Variants in SOCS3 observed in about 807,000 individuals in gnomAD.
The protein encoded by SOCS3 is STAT-induced STAT inhibitor 3.
SOCS3 carries 5 observed loss-of-function variants against 11.7 expected under a neutral mutation model. The observed-to-expected ratio is 0.43, with a 90% CI of 0.22 to 0.90. The LOEUF is 0.90. SOCS3 is among the 40% of genes least tolerant of loss of function. The pLI is 0.27. For synonymous variants in SOCS3, 143 were observed against 136.3 expected (o/e 1.05, Z -0.34); for missense variants, 203 against 302.0 (o/e 0.67, Z 2.43).
In SOCS3 at chr17:78,358,745, G is replaced by A. The variant is rs1298522890; in HGVS notation, c.351C>T (p.Phe117=). 1.2e-6 allele frequency: 2 copies of A among 1,612,684 alleles called. No homozygotes were observed. The highest frequency in any genetic ancestry group is 1.7e-5 in the Admixed American group (1 of 59,986). The change falls in exon 2 of 2, where the codon TTC becomes TTT. Residue 117 remains phenylalanine, a synonymous_variant. Coordinates refer to ENST00000330871, the MANE Select transcript of SOCS3 (RefSeq NM_003955.5). This position sits in a 1 kb window ranked among gnomAD's most constrained non-coding sequence, Gnocchi z 4.7. ...DPRSTQPVPR[F]DCVLKLVHHY... ...GGTGCACCAGCTTGAGCACGCAGTC[G>A]AAGCGGGGCACGGGCTGCGTGCTCC...
At chr17:78,360,237 G>C (rs1459252614), upstream of SOCS3, among the ~76,000 whole-genome samples, 1 of 150,852 alleles carries the variant, frequency 6.6e-6, no homozygotes, top group East Asian at 1.9e-4. This position sits in a 1 kb window ranked among gnomAD's most constrained non-coding sequence, Gnocchi z 5.6. Flanking sequence ...CGCCGAGGGC[G>C]GGCCGCGAGC....
chr17:78,360,665 G>C (rs2081605479), upstream of SOCS3: 1 of 151,766 alleles, frequency 6.6e-6, no homozygotes, highest in Non-Finnish European at 1.5e-5. This position sits in a 1 kb window ranked among gnomAD's most constrained non-coding sequence, Gnocchi z 5.6. Context: ...CCCGGGAGCC[G>C]GAGGTTGGAG....
Position 78,358,749 on chromosome 17 carries a change from C to T in SOCS3, c.347G>A (p.Arg116His), listed in dbSNP as rs2081587887. 6 of 1,612,536 alleles carry T rather than the reference C, an allele frequency of 3.7e-6. No individual in the cohort carries two copies. Among genetic ancestry groups the T allele is most frequent in the Admixed American group, 1.7e-5 (1 of 59,956 alleles). ...SDPRSTQPVP[R>H]FDCVLKLVHH... The stretch of plus-strand genomic sequence containing the variant: ...CACCAGCTTGAGCACGCAGTCGAAG[C>T]GGGGCACGGGCTGCGTGCTCCGGGG... The change falls in exon 2 of 2, where the codon CGC becomes CAC. Residue 116 changes from arginine (R) to histidine (H), a missense_variant. Physicochemically the swap from Arg to His is conservative, Grantham distance 29. Coordinates refer to ENST00000330871, the MANE Select transcript of SOCS3 (RefSeq NM_003955.5). This position sits in a 1 kb window ranked among gnomAD's most constrained non-coding sequence, Gnocchi z 4.7.
At position 78,358,698 on chromosome 17, in the gene SOCS3, G is replaced by A; in HGVS notation, c.398C>T (p.Ala133Val). 6.2e-7 allele frequency: 1 copy of A among 1,608,738 alleles called. No homozygotes were observed. ...LVHHYMPPPGAPSFPSPPTEP... is the reference protein window; with the variant it reads ...LVHHYMPPPGVPSFPSPPTEP... ...AGTAGGTGGCGAGGGGAAGGAGGGG[G>A]CTCCAGGGGGCGGCATGTAGTGGTG... The change falls in exon 2 of 2, where the codon GCC becomes GTC. Residue 133 changes from alanine (A) to valine (V), a missense_variant. This residue lies in a region of SOCS3 where 141 missense variants were observed against 200.5 expected (regional missense o/e 0.70). Transcript: ENST00000330871. This position sits in a 1 kb window ranked among gnomAD's most constrained non-coding sequence, Gnocchi z 4.7.
chr17:78,360,841 C>T (rs975325986), upstream of SOCS3: 1 of 152,674 alleles, frequency 6.5e-6, no homozygotes, highest in African/African-American at 2.4e-5. The surrounding 1 kb of genome is among the most constrained non-coding windows in gnomAD (Gnocchi z 5.6). Context: ...CTTTCATGCA[C>T]TGGGGTCTGC....
chr17:78,359,385 T>C (rs1324151290), intron 1 of SOCS3, among the ~76,000 whole-genome samples: 2 of 151,904 alleles, frequency 1.3e-5, no homozygotes, highest in African/African-American at 4.8e-5. Context: ...GGGCAGCCCC[T>C]TCCCAGGCGC....
At position 78,358,997 on chromosome 17, in the gene SOCS3, C is replaced by T. The variant is rs1360268730; in HGVS notation, c.99G>A (p.Leu33=). Residue 33 remains leucine (L), a synonymous_variant, in exon 2 of 2, where the codon CTG becomes CTA. Coordinates refer to ENST00000330871, the MANE Select transcript of SOCS3 (RefSeq NM_003955.5). The surrounding 1 kb of genome is among the most constrained non-coding windows in gnomAD (Gnocchi z 4.7). ...GCAGCTTGCGCACTGCGTTCACCAC[C>T]AGCTGGTACTCGCTCTTGGAGCTGA... ...KTFSSKSEYQ[L]VVNAVRKLQE... is the part of the protein sequence containing the mutation. The T allele has an allele frequency of 3.2e-6, 5 of 1,576,852 alleles. No individual in the cohort carries two copies. Among genetic ancestry groups the T allele is most frequent in the Non-Finnish European group, 3.4e-6 (4 of 1,160,556 alleles).
chr17:78,358,511 C>T lies in SOCS3; in HGVS notation c.585G>A (p.Lys195=), dbSNP rs2081585162. ...NVATLQHLCR[K]TVNGHLDSYE... ...AGGAGTCCAGGTGGCCGTTGACGGTCTTCCGACAGAGATGCTGAAGAGTGG... is the reference window on the plus strand; with the variant it reads ...AGGAGTCCAGGTGGCCGTTGACGGTTTTCCGACAGAGATGCTGAAGAGTGG... Residue 195 remains lysine (K), a synonymous_variant, in exon 2 of 2, where the codon AAG becomes AAA. Transcript: ENST00000330871. The surrounding 1 kb of genome is among the most constrained non-coding windows in gnomAD (Gnocchi z 4.7). The T allele has an allele frequency of 6.2e-7, 1 of 1,613,718 alleles. No individual in the cohort carries two copies.
At position 78,356,860 on chromosome 17, in the gene SOCS3, T is replaced by C. The variant is rs2081571336; in HGVS notation, c.*1558A>G. ...ATATAAATATAAATATGTGCAAAGT[T>C]TGACTTGGATTGGGATTTTGTTGAG... is the stretch of plus-strand genomic sequence containing the variant. On this transcript the variant is annotated 3_prime_UTR_variant, in exon 2 of 2. Coordinates refer to ENST00000330871, the MANE Select transcript of SOCS3 (RefSeq NM_003955.5). This position sits in a 1 kb window ranked among gnomAD's most constrained non-coding sequence, Gnocchi z 6.1. 1 of 152,556 alleles carries C rather than the reference T, an allele frequency of 6.6e-6. No individual in the cohort carries two copies. The highest frequency in any genetic ancestry group is 6.6e-5 in the Admixed American group (1 of 15,262). The allele number at this position is 152,556 out of a possible 1,614,324, so 9.5% of individuals were successfully genotyped here. A position where few individuals can be genotyped will look rare whatever the true frequency, so the allele number is the denominator to read the frequency against.
Position 78,358,742 on chromosome 17 carries a change from G to A in SOCS3, c.354C>T (p.Asp118=), listed in dbSNP as rs745427611. The A allele has an allele frequency of 1.2e-6, 2 of 1,612,850 alleles. No homozygotes were observed. The highest frequency in any genetic ancestry group is 3.3e-5 in the Admixed American group (2 of 59,992). Residue 118 remains aspartate, a synonymous_variant, in exon 2 of 2, where the codon GAC becomes GAT. Coordinates refer to ENST00000330871, the MANE Select transcript of SOCS3 (RefSeq NM_003955.5). The surrounding 1 kb of genome is among the most constrained non-coding windows in gnomAD (Gnocchi z 4.7). ...PRSTQPVPRF[D]CVLKLVHHYM... is the part of the protein sequence containing the mutation. ...AGTGGTGCACCAGCTTGAGCACGCA[G>A]TCGAAGCGGGGCACGGGCTGCGTGC... is the stretch of plus-strand genomic sequence containing the variant.
In SOCS3 at chr17:78,358,390, G is replaced by A. The variant is rs200996398; in HGVS notation, c.*28C>T. On this transcript the variant is annotated 3_prime_UTR_variant, in exon 2 of 2. Coordinates refer to ENST00000330871, the MANE Select transcript of SOCS3 (RefSeq NM_003955.5). This position sits in a 1 kb window ranked among gnomAD's most constrained non-coding sequence, Gnocchi z 4.7. ...GAGAGGGGCCTGCGTCCCCTCTCCC[G>A]ACCCATGCCCTTTGCGCCCTTTACC... The A allele has an allele frequency of 2.5e-4, 409 of 1,611,446 alleles. No homozygotes were observed. Among genetic ancestry groups the A allele is most frequent in the Non-Finnish European group, 3.1e-5 (36 of 1,178,428 alleles).
chr17:78,359,838 G>C lies in SOCS3; in HGVS notation c.-177C>G, dbSNP rs1442042053. 6.4e-6 allele frequency: 1 copy of C among 155,180 alleles called. No homozygotes were observed. Among genetic ancestry groups the C allele is most frequent in the Non-Finnish European group, 1.4e-5 (1 of 70,010 alleles). The allele number at this position is 155,180 out of a possible 1,614,324, so 9.6% of individuals were successfully genotyped here. A position where few individuals can be genotyped will look rare whatever the true frequency, so the allele number is the denominator to read the frequency against. The stretch of plus-strand genomic sequence containing the variant: ...GCGGCGAGACGGCCAGCGGTGGCCC[G>C]CGCTGCGCCCAGATGTTGGCGGCCG... On this transcript the variant is annotated 5_prime_UTR_variant, in exon 1 of 2. Coordinates refer to ENST00000330871, the MANE Select transcript of SOCS3 (RefSeq NM_003955.5).
chr17:78,357,113 CACAAAA>C lies in SOCS3; in HGVS notation c.*1299_*1304del, dbSNP rs1050373126. On this transcript the variant is annotated 3_prime_UTR_variant, in exon 2 of 2. Coordinates refer to ENST00000330871, the MANE Select transcript of SOCS3 (RefSeq NM_003955.5). This position sits in a 1 kb window ranked among gnomAD's most constrained non-coding sequence, Gnocchi z 7.0. The stretch of plus-strand genomic sequence containing the variant: ...TTGTGTTTGTTTAGTTGCCCCCCCC[CACAAAA>C]ACAAAAACAAAAACAAAAACAAAAA... 6.2e-4 allele frequency: 95 copies of C among 152,292 alleles called. No homozygotes were observed. The highest frequency in any genetic ancestry group is 1.9e-3 in the East Asian group (10 of 5,182). 9.4% of individuals were successfully genotyped at this position (152,292 alleles called of 1,614,324 possible).
chr17:78,358,757 G>T lies in SOCS3; in HGVS notation c.339C>A (p.Pro113=), dbSNP rs1390498428. ...SLQSDPRSTQ[P]VPRFDCVLKL... ...TGAGCACGCAGTCGAAGCGGGGCAC[G>T]GGCTGCGTGCTCCGGGGATCGCTCT... is the stretch of plus-strand genomic sequence containing the variant. The change falls in exon 2 of 2, where the codon CCC becomes CCA. Residue 113 remains proline, a synonymous_variant. Coordinates refer to ENST00000330871, the MANE Select transcript of SOCS3 (RefSeq NM_003955.5). The surrounding 1 kb of genome is among the most constrained non-coding windows in gnomAD (Gnocchi z 4.7). 6.2e-7 allele frequency: 1 copy of T among 1,613,004 alleles called. No homozygotes were observed. The highest frequency in any genetic ancestry group is 1.7e-5 in the Admixed American group (1 of 59,998).
At position 78,359,121 on chromosome 17, in the gene SOCS3, C is replaced by T. The variant is rs1567911096; in HGVS notation, c.-26G>A. On this transcript the variant is annotated 5_prime_UTR_variant, in exon 2 of 2. Transcript: ENST00000330871. Reference sequence around the variant, plus strand: ...GGCGCACGGAGCCAGCGTGGATCTGCGCGGCGGCGGCTGCAGCTGCTTCGC... The same window carrying T: ...GGCGCACGGAGCCAGCGTGGATCTGTGCGGCGGCGGCTGCAGCTGCTTCGC... 15 of 1,531,520 alleles carry T rather than the reference C, an allele frequency of 9.8e-6. No individual in the cohort carries two copies. Among genetic ancestry groups the T allele is most frequent in the Non-Finnish European group, 1.3e-5 (15 of 1,136,886 alleles). 94.9% of individuals were successfully genotyped at this position (1,531,520 alleles called of 1,614,324 possible).
rs766303801 is a variant in SOCS3, at chr17:78,359,146, CG to C, written c.-52del. On this transcript the variant is annotated 5_prime_UTR_variant, in exon 2 of 2. Transcript: ENST00000330871. ...CGCGGCGGCGGCTGCAGCTGCTTCGCGGCCTCCGCACAGCGGCCGCTACCGC... is the reference window on the plus strand; with the variant it reads ...CGCGGCGGCGGCTGCAGCTGCTTCGCGCCTCCGCACAGCGGCCGCTACCGC... 6.6e-7 allele frequency: 1 copy of C among 1,505,928 alleles called. No individual in the cohort carries two copies. Among genetic ancestry groups the C allele is most frequent in the African/African-American group, 1.4e-5 (1 of 71,876 alleles). 93.3% of individuals were successfully genotyped at this position (1,505,928 alleles called of 1,614,324 possible).
At chr17:78,360,369 G>C (rs1567911774), upstream of SOCS3, 1 of 150,586 alleles carries the variant, frequency 6.6e-6, no homozygotes, top group Non-Finnish European at 1.5e-5. The surrounding 1 kb of genome is among the most constrained non-coding windows in gnomAD (Gnocchi z 5.6). Flanking sequence ...TCCCCGCCGC[G>C]CGCTCCGCCC....
At position 78,358,389 on chromosome 17, in the gene SOCS3, CGA is replaced by C. The variant is rs1567910620; in HGVS notation, c.*27_*28del. 1 of 1,610,242 alleles carries C rather than the reference CGA, an allele frequency of 6.2e-7. No homozygotes were observed. The highest frequency in any genetic ancestry group is 8.5e-7 in the Non-Finnish European group (1 of 1,177,368). On this transcript the variant is annotated 3_prime_UTR_variant, in exon 2 of 2. Transcript: ENST00000330871. The surrounding 1 kb of genome is among the most constrained non-coding windows in gnomAD (Gnocchi z 4.7). ...GGAGAGGGGCCTGCGTCCCCTCTCC[CGA>C]CCCATGCCCTTTGCGCCCTTTACCC...
chr17:78,359,149 C>G lies in SOCS3; in HGVS notation c.-54G>C. 6.7e-7 allele frequency: 1 copy of G among 1,499,870 alleles called. No individual in the cohort carries two copies. Among genetic ancestry groups the G allele is most frequent in the Non-Finnish European group, 8.9e-7 (1 of 1,119,566 alleles). 92.9% of individuals were successfully genotyped at this position (1,499,870 alleles called of 1,614,324 possible). On this transcript the variant is annotated 5_prime_UTR_variant, in exon 2 of 2. Coordinates refer to ENST00000330871, the MANE Select transcript of SOCS3 (RefSeq NM_003955.5). ...GGCGGCGGCTGCAGCTGCTTCGCGG[C>G]CTCCGCACAGCGGCCGCTACCGCAT...
Sources: gnomAD v4.1 joint callset for allele counts (sites outside exome capture counted in the v4.1 genomes callset) on GRCh38, gnomAD v4.1.1 for gene constraint, gnomAD v4.1.1 regional missense constraint, Gnocchi (gnomAD v3.1) non-coding constraint, MANE v1.5 for transcripts, NCBI Gene and HGNC (gene_info 2026-07-23, HGNC 2026-07-21) for gene names.